Variants in ZNF608 observed in about 807,000 individuals in gnomAD.
ZNF608 encodes renal carcinoma antigen NY-REN-36.
In ZNF608, 12 loss-of-function variants were observed where a neutral mutation model predicts 109.0. The ratio of observed to expected loss-of-function variants is 0.11; its 90% CI spans 0.07 to 0.18. The LOEUF (loss-of-function observed/expected upper bound fraction) is 0.18, where lower values mean the gene tolerates loss of function less well. Among genes scored for constraint, ZNF608 ranks in the 10% least tolerant of loss-of-function variants. The pLI is 1.00. For missense variants in ZNF608, 1,707 were observed against 1,879.3 expected (o/e 0.91, Z 1.70); for synonymous variants, 732 against 717.4 (o/e 1.02, Z -0.33).
At chr5:124,719,636 G>A (rs767985854) in intron 2 of ZNF608, among the ~76,000 whole-genome samples, 52 of 152,304 alleles carry the variant, frequency 3.4e-4, no homozygotes, top group Admixed American at 7.8e-4. Flanking sequence ...AGGGCTTGTT[G>A]ACAAGCAATG....
At chr5:124,721,967 A>AAAAAAAAAAAAAAAAAAAAAAAAC in intron 2 of ZNF608, among the ~76,000 whole-genome samples, 1 of 146,824 alleles carries the variant, frequency 6.8e-6, no homozygotes, top group Non-Finnish European at 1.5e-5. Flanking sequence ...AAAAAAAAAA[A>AAAAAAAAAAAAAAAAAAAAAAAAC]AAAAAGAACT....
intron 2 of ZNF608, among the ~76,000 whole-genome samples, chr5:124,714,133 T>TA (rs928898650): frequency 4.4e-4 from 66 of 151,260 alleles, no homozygotes; most frequent in South Asian, 4.2e-4. Context: ...TAAACTTTTT[T>TA]AAAAAAAACA....
At chr5:124,746,986 C>T (rs1749663592), upstream of ZNF608, among the ~76,000 whole-genome samples, 1 of 151,234 alleles carries the variant, frequency 6.6e-6, no homozygotes, top group African/African-American at 2.4e-5. Flanking sequence ...AAAATAACGG[C>T]GTTTAAAATG....
chr5:124,648,419 T>C lies in ZNF608; in HGVS notation c.1965A>G (p.Lys655=), dbSNP rs1468005721. 1 of 1,614,090 alleles carries C rather than the reference T, an allele frequency of 6.2e-7. No homozygotes were observed. The highest frequency in any genetic ancestry group is 2.2e-5 in the East Asian group (1 of 44,898). ...SNGPGSIIGA[K]AGKNSGKKKG... is the part of the protein sequence containing the mutation. The stretch of plus-strand genomic sequence containing the variant: ...TCTTTTTGCCAGAATTCTTCCCAGC[T>C]TTAGCACCAATAATGGAACCTGGGC... Residue 655 remains lysine, a synonymous_variant, in exon 5 of 10, where the codon AAA becomes AAG. Coordinates refer to ENST00000513986, the MANE Select transcript of ZNF608 (RefSeq NM_020747.3).
chr5:124,715,433 A>G (rs539276215), intron 2 of ZNF608, among the ~76,000 whole-genome samples: 1 of 152,376 alleles, frequency 6.6e-6, no homozygotes, highest in South Asian at 2.1e-4. Flanking sequence ...CCATATCTGC[A>G]GCAAAATAAT....
chr5:124,746,679 G>A (rs183271456), upstream of ZNF608: 1 of 985,266 alleles, frequency 1.0e-6, no homozygotes, highest in East Asian at 1.1e-4. Flanking sequence ...TTAGTGAAAG[G>A]GAAGAAAGAA....
intron 9 of ZNF608, 69 bp from the exon 10 acceptor site, chr5:124,637,975 A>C (rs1165209646): frequency 3.8e-6 from 6 of 1,582,042 alleles, no homozygotes; most frequent in Non-Finnish European, 5.2e-6. Flanking sequence ...TTTGAGTCGG[A>C]GTTTTGCTCT....
At position 124,648,143 on chromosome 5, in the gene ZNF608, C is replaced by T. The variant is rs748837990; in HGVS notation, c.2241G>A (p.Pro747=). The change falls in exon 5 of 10, where the codon CCG becomes CCA. Residue 747 remains proline (P), a synonymous_variant. Transcript: ENST00000513986. The stretch of plus-strand genomic sequence containing the variant: ...TTGCAGTGGGTATAGCGATTAGCTG[C>T]GGGGGAGTGGGGGCTGGGGCAGGGG... ...PIAPAPAPTP[P]QLIAIPTATF... is the part of the protein sequence containing the mutation. The T allele has an allele frequency of 3.2e-5, 28 of 870,478 alleles. No homozygotes were observed. The highest frequency in any genetic ancestry group is 7.8e-5 in the South Asian group (6 of 77,168). 53.9% of individuals were successfully genotyped at this position (870,478 alleles called of 1,614,324 possible).
In ZNF608 at chr5:124,647,775, T is replaced by A; in HGVS notation, c.2609A>T (p.Glu870Val). ...KNEGLANGLS[E>V]SQESRMASIK... ...ACTGGCCATGCGGCTCTCCTGAGACTCCGACAGTCCATTTGCCAGCCCTTC... is the reference window on the plus strand; with the variant it reads ...ACTGGCCATGCGGCTCTCCTGAGACACCGACAGTCCATTTGCCAGCCCTTC... Residue 870 changes from glutamate (E) to valine (V), a missense_variant, in exon 5 of 10, where the codon GAG (glutamate) becomes GTG (valine). By Grantham distance (121) the Glu-to-Val change is moderately radical. Coordinates refer to ENST00000513986, the MANE Select transcript of ZNF608 (RefSeq NM_020747.3). 8.1e-6 allele frequency: 13 copies of A among 1,614,172 alleles called. No individual in the cohort carries two copies. The highest frequency in any genetic ancestry group is 9.3e-6 in the Non-Finnish European group (11 of 1,179,996).
chr5:124,660,597 C>T (rs1468160190), intron 3 of ZNF608, among the ~76,000 whole-genome samples: 1 of 152,186 alleles, frequency 6.6e-6, no homozygotes, highest in Admixed American at 6.5e-5. Context: ...TCTCTGGAGA[C>T]AGAGGCAGAC....
intron 2 of ZNF608, among the ~76,000 whole-genome samples, chr5:124,741,394 GAAA>G (rs34192958): frequency 5.8e-5 from 4 of 68,420 alleles, no homozygotes; most frequent in Admixed American, 2.0e-4. Flanking sequence ...CTTCCAACCA[GAAA>G]AAAAAAAAAA....
chr5:124,711,357 T>A (rs2149866357), intron 2 of ZNF608, among the ~76,000 whole-genome samples: 1 of 152,374 alleles, frequency 6.6e-6, no homozygotes, highest in South Asian at 2.1e-4. Context: ...CTGCTTAAAT[T>A]TTGACATGAC....
intron 8 of ZNF608, among the ~76,000 whole-genome samples, chr5:124,640,569 T>C (rs1277926017): frequency 1.3e-5 from 2 of 152,214 alleles, no homozygotes; most frequent in Admixed American, 1.3e-4. Flanking sequence ...AAATTCCTGT[T>C]GTTTAAAGCC....
At chr5:124,653,502 T>C (rs532335734) in intron 3 of ZNF608, among the ~76,000 whole-genome samples, 7 of 152,066 alleles carry the variant, frequency 4.6e-5, no homozygotes, top group Middle Eastern at 6.8e-3. Context: ...ACTTCAAGAG[T>C]CTGTGCATGA....
At chr5:124,692,073 T>G (rs1752650443) in intron 3 of ZNF608, among the ~76,000 whole-genome samples, 1 of 152,216 alleles carries the variant, frequency 6.6e-6, no homozygotes, top group East Asian at 1.9e-4. Context: ...GTATTGAGGA[T>G]ATGAATGATT....
At chr5:124,669,348 AG>A (rs2149812047) in intron 3 of ZNF608, among the ~76,000 whole-genome samples, 1 of 152,092 alleles carries the variant, frequency 6.6e-6, no homozygotes, top group East Asian at 1.9e-4. Flanking sequence ...CTGCATCCTC[AG>A]ATGCACACTG....
At position 124,744,190 on chromosome 5, in the gene ZNF608, C is replaced by T; in HGVS notation, c.800G>A (p.Ser267Asn). Residue 267 changes from serine to asparagine, a missense_variant, in exon 2 of 10, where the codon AGC (serine) becomes AAC (asparagine). Physicochemically the swap from Ser to Asn is conservative, Grantham distance 46. Coordinates refer to ENST00000513986, the MANE Select transcript of ZNF608 (RefSeq NM_020747.3). The surrounding 1 kb of genome is among the most constrained non-coding windows in gnomAD (Gnocchi z 4.5). ...GAGCCCTGAATCCGGGGCACTTTTG[C>T]TAACTTCCCCTGCAGCGGCGACGCT... is the stretch of plus-strand genomic sequence containing the variant. ...SGSVAAAGEV[S>N]KSAPDSGLMG... is the part of the protein sequence containing the mutation. 2 of 1,613,752 alleles carry T rather than the reference C, an allele frequency of 1.2e-6. No individual in the cohort carries two copies. The highest frequency in any genetic ancestry group is 1.7e-6 in the Non-Finnish European group (2 of 1,180,008).
Position 124,647,001 on chromosome 5 carries a change from T to C in ZNF608, c.3383A>G (p.Glu1128Gly). ...KMAQTGRGDC[E>G]RKSELPLKEL... Reference sequence around the variant, plus strand: ...TTTCAAGGGGAGCTCACTTTTCCTTTCACAGTCTCCTCTCCCAGTCTGGGC... The same window carrying C: ...TTTCAAGGGGAGCTCACTTTTCCTTCCACAGTCTCCTCTCCCAGTCTGGGC... Residue 1128 changes from glutamate to glycine, a missense_variant, in exon 5 of 10, where the codon GAA (glutamate) becomes GGA (glycine). Physicochemically the swap from Glu to Gly is moderately conservative, Grantham distance 98. Transcript: ENST00000513986. 3.7e-6 allele frequency: 6 copies of C among 1,614,120 alleles called. No homozygotes were observed. Among genetic ancestry groups the C allele is most frequent in the Non-Finnish European group, 5.1e-6 (6 of 1,180,006 alleles).
chr5:124,689,670 A>C (rs1051016212), intron 3 of ZNF608, among the ~76,000 whole-genome samples: 1 of 152,222 alleles, frequency 6.6e-6, no homozygotes, highest in African/African-American at 2.4e-5. Flanking sequence ...AATTGTCAAG[A>C]AAGTTCACAT....
Sources: allele counts gnomAD v4.1 joint callset (sites outside exome capture counted in the v4.1 genomes callset), GRCh38; gene constraint gnomAD v4.1.1; non-coding constraint Gnocchi (gnomAD v3.1); transcripts MANE v1.5; gene names NCBI Gene and HGNC (gene_info 2026-07-23, HGNC 2026-07-21).